The following SPATS2L variants were observed in gnomAD, a reference collection of about 807,000 sequenced individuals.
SPATS2L encodes the protein SPATS2-like protein.
SPATS2L carries 30 observed loss-of-function variants against 59.6 expected under a neutral mutation model. The ratio of observed to expected loss-of-function variants is 0.50; its 90% CI spans 0.38 to 0.68. SPATS2L has a LOEUF of 0.68. Ranked by LOEUF, SPATS2L falls within the 30% of genes least tolerant of loss-of-function variation. The probability of loss-of-function intolerance (pLI) is 0.00; values close to 1 mark genes in which losing one functional copy is unlikely to be tolerated. For missense variants in SPATS2L, 615 were observed against 700.0 expected (o/e 0.88, Z 1.37); for synonymous variants, 252 against 263.5 (o/e 0.96, Z 0.42).
At chr2:200,439,353 T>G in intron 7 of SPATS2L, 25 bp downstream of exon 7, 3 of 1,581,508 alleles carry the variant, frequency 1.9e-6, no homozygotes, top group Non-Finnish European at 2.6e-6. Context: ...TTTGCACAAA[T>G]GATTCAACAT....
intron 7 of SPATS2L, among the ~76,000 whole-genome samples, chr2:200,440,175 G>T (rs2084596277): frequency 6.6e-6 from 1 of 152,180 alleles, no homozygotes; most frequent in African/African-American, 2.4e-5. Flanking sequence ...CCTGGCTTCG[G>T]ATGATGGGGC....
chr2:200,469,156 T>A (rs1328088851), intron 10 of SPATS2L, among the ~76,000 whole-genome samples: 1 of 152,210 alleles, frequency 6.6e-6, no homozygotes, highest in African/African-American at 2.4e-5. Context: ...CTCGTAAGTG[T>A]TCAATGATTT....
chr2:200,333,800 G>A lies in SPATS2L; in HGVS notation c.-23+4320G>A, dbSNP rs373512939. 1.6e-4 allele frequency among the ~76,000 whole-genome samples: 24 copies of A among 152,204 alleles called. No homozygotes were observed. The South Asian group carries it at 5.0e-3, about 32-fold the overall frequency. Reference sequence around the variant, plus strand: ...AGTTTGCTGAGAATGATGGATTCCAGCTTCATCCATGTCCCTACAAAGGAC... The same window carrying A: ...AGTTTGCTGAGAATGATGGATTCCAACTTCATCCATGTCCCTACAAAGGAC... On this transcript the variant is annotated intron_variant, in intron 2 of 12. Coordinates refer to ENST00000409140, the MANE Select transcript of SPATS2L (RefSeq NM_001100423.2).
At chr2:200,393,253 G>C in intron 3 of SPATS2L, 1 of 456,770 alleles carries the variant, frequency 2.2e-6, no homozygotes, top group East Asian at 7.0e-5. Context: ...GCAAAACATG[G>C]CTGGTGGACA....
rs2087794587 is a variant in SPATS2L, at chr2:200,482,228, A to G, written c.*4197A>G. On this transcript the variant is annotated 3_prime_UTR_variant, in exon 13 of 13. Transcript: ENST00000409140. Reference sequence around the variant, plus strand: ...CTTTACAATCCATTATAAGGATTTTAAAATCTTTTTGCTTCTTTAATAAAT... The same window carrying G: ...CTTTACAATCCATTATAAGGATTTTGAAATCTTTTTGCTTCTTTAATAAAT... 6.6e-6 allele frequency: 1 copy of G among 152,210 alleles called. No homozygotes were observed. Among genetic ancestry groups the G allele is most frequent in the African/African-American group, 2.4e-5 (1 of 41,456 alleles). The allele number at this position is 152,210 out of a possible 1,614,324, so 9.4% of individuals were successfully genotyped here.
Position 200,440,773 on chromosome 2 carries a change from A to G in SPATS2L, c.777A>G (p.Glu259=). Residue 259 remains glutamate (E), a synonymous_variant, in exon 8 of 13, where the codon GAA becomes GAG. Transcript: ENST00000409140. The stretch of plus-strand genomic sequence containing the variant: ...AGAAGATCAAAGCTGCCTTTGCTGA[A>G]TTACACAACTGGTGAGTGATTCAAC... ...SVKKIKAAFA[E]LHNCIIDKEV... 6.2e-7 allele frequency: 1 copy of G among 1,613,512 alleles called. No homozygotes were observed. Among genetic ancestry groups the G allele is most frequent in the Non-Finnish European group, 8.5e-7 (1 of 1,179,584 alleles).
At chr2:200,333,122 CA>C (rs869055044) in intron 2 of SPATS2L, among the ~76,000 whole-genome samples, 32 of 145,250 alleles carry the variant, frequency 2.2e-4, no homozygotes, top group Admixed American at 4.1e-4. Context: ...TCTACAAATA[CA>C]AAAAAAAAAC....
chr2:200,380,458 A>T (rs534087873), intron 2 of SPATS2L, among the ~76,000 whole-genome samples: 1 of 152,218 alleles, frequency 6.6e-6, no homozygotes, highest in Non-Finnish European at 1.5e-5. Flanking sequence ...TCTCCCATGA[A>T]GGTCTCAAAC....
At chr2:200,461,924 T>TAA (rs1380026725) in intron 9 of SPATS2L, among the ~76,000 whole-genome samples, 8 of 152,256 alleles carry the variant, frequency 5.3e-5, no homozygotes, top group African/African-American at 1.9e-4. Flanking sequence ...TTTAGAATCC[T>TAA]GAAATACAGC....
intron 12 of SPATS2L, among the ~76,000 whole-genome samples, chr2:200,477,178 G>C (rs2087593410): frequency 6.6e-6 from 1 of 152,140 alleles, no homozygotes. Flanking sequence ...CTCACTTTGG[G>C]CTTGAGAGTG....
intron 2 of SPATS2L, among the ~76,000 whole-genome samples, chr2:200,337,484 C>T (rs546226537): frequency 7.9e-4 from 121 of 152,220 alleles, no homozygotes; most frequent in African/African-American, 2.7e-3. Context: ...AAGTATAGGC[C>T]TAATTGCATT....
At chr2:200,431,784 C>T (rs1049986486) in intron 6 of SPATS2L, among the ~76,000 whole-genome samples, 2 of 152,158 alleles carry the variant, frequency 1.3e-5, no homozygotes, top group African/African-American at 4.8e-5. Context: ...ATAATGAAAA[C>T]TTTTGAATCC....
chr2:200,334,972 C>T (rs58137520), intron 2 of SPATS2L, among the ~76,000 whole-genome samples: 16,367 of 152,118 alleles, frequency 0.11, 942 homozygotes, highest in Non-Finnish European at 0.13. Flanking sequence ...GTTCTTTTGG[C>T]TTAGGATTGA....
Position 200,477,959 on chromosome 2 carries a change from C to T in SPATS2L, c.1605C>T (p.Leu535=). The change falls in exon 13 of 13, where the codon CTC becomes CTT. Residue 535 remains leucine (L), a synonymous_variant. Coordinates refer to ENST00000409140, the MANE Select transcript of SPATS2L (RefSeq NM_001100423.2). ...GSVGRVSQCN[L]CPTRIEVSTD... is the part of the protein sequence containing the mutation. ...TCGGTAGGGTTTCACAGTGCAATCT[C>T]TGCCCCACGAGAATAGAAGTTTCCA... 2 of 1,607,948 alleles carry T rather than the reference C, an allele frequency of 1.2e-6. No homozygotes were observed. Among genetic ancestry groups the T allele is most frequent in the Non-Finnish European group, 1.7e-6 (2 of 1,177,758 alleles).
intron 6 of SPATS2L, among the ~76,000 whole-genome samples, chr2:200,436,000 T>C (rs2084262272): frequency 6.6e-6 from 1 of 152,164 alleles, no homozygotes; most frequent in Non-Finnish European, 1.5e-5. Flanking sequence ...CATTTCAGCA[T>C]ATACATTACA....
chr2:200,476,847 A>G (rs1474302785), intron 12 of SPATS2L, among the ~76,000 whole-genome samples: 2 of 152,226 alleles, frequency 1.3e-5, no homozygotes, highest in Non-Finnish European at 2.9e-5. Flanking sequence ...ATCAGGTCAT[A>G]TGAACAAATT....
intron 4 of SPATS2L, among the ~76,000 whole-genome samples, chr2:200,413,491 A>C (rs2082956357): frequency 6.6e-6 from 1 of 152,226 alleles, no homozygotes; most frequent in Non-Finnish European, 1.5e-5. Flanking sequence ...TTTTGAACAA[A>C]GATCTCTTAC....
chr2:200,427,431 TTATACA>T (rs902894291), intron 6 of SPATS2L, among the ~76,000 whole-genome samples: 11 of 150,306 alleles, frequency 7.3e-5, no homozygotes, highest in African/African-American at 2.7e-4. Context: ...AAAAATCAAG[TTATACA>T]TATACATATA....
At chr2:200,406,300 G>A (rs895315447) in intron 3 of SPATS2L, among the ~76,000 whole-genome samples, 1 of 151,910 alleles carries the variant, frequency 6.6e-6, no homozygotes, top group East Asian at 1.9e-4. Flanking sequence ...TTTGCCAATC[G>A]GGATTATTTA....
Sources: gnomAD v4.1 joint callset for allele counts (sites outside exome capture counted in the v4.1 genomes callset) on GRCh38, gnomAD v4.1.1 for gene constraint, MANE v1.5 for transcripts, NCBI Gene and HGNC (gene_info 2026-07-23, HGNC 2026-07-21) for gene names.